UBR3: variants seen among roughly 807,000 people sequenced by gnomAD.
The protein encoded by UBR3 is ubiquitin protein ligase E3 component n-recognin 3.
In UBR3, 85 loss-of-function variants were observed where a neutral mutation model predicts 243.2. The observed-to-expected ratio is 0.35, with a 90% confidence interval of 0.29 to 0.42. UBR3 has a LOEUF of 0.42. UBR3 is among the 10% of genes least tolerant of loss of function. The pLI is 1.00. For synonymous variants in UBR3, 748 were observed against 799.8 expected (o/e 0.94, Z 1.09); for missense variants, 1,686 against 2,300.8 (o/e 0.73, Z 5.47).
chr2:170,055,327 A>G, intron 32 of UBR3, 133 bp from the exon 33 acceptor site: 1 of 1,052,970 alleles, frequency 9.5e-7, no homozygotes, highest in African/African-American at 1.6e-5. Context: ...CGTCTCAAAA[A>G]CAAACAAAAA....
intron 11 of UBR3, among the ~76,000 whole-genome samples, chr2:169,923,171 TCA>T (rs1489600291): frequency 6.6e-6 from 1 of 152,214 alleles, no homozygotes; most frequent in Admixed American, 6.5e-5. Flanking sequence ...CTAAGGTCAT[TCA>T]CATATTTTTT....
In UBR3 at chr2:169,845,545, C is replaced by CTTCTTCTTCTTCT. The variant is rs1553490728; in HGVS notation, c.545+17501_545+17502insCTTCTTTCTTCTT. 3.3e-3 allele frequency among the ~76,000 whole-genome samples: 456 copies of CTTCTTCTTCTTCT among 140,080 alleles called. 2 individuals are homozygous for CTTCTTCTTCTTCT. The highest frequency in any genetic ancestry group is 5.8e-3 in the Non-Finnish European group (377 of 65,112). The allele number at this position is 140,080 out of a possible 152,430, so 91.9% of individuals were successfully genotyped here. A position where few individuals can be genotyped will look rare whatever the true frequency, so the allele number is the denominator to read the frequency against. ...TCGTCGTCGTCGTCTTCTTCTTCTT[C>CTTCTTCTTCTTCT]TTCTTCTTTCTTCTTCTTCTTCTTC... On this transcript the variant is annotated intron_variant, in intron 1 of 38. Transcript: ENST00000272793.
intron 2 of UBR3, among the ~76,000 whole-genome samples, chr2:169,874,028 ATC>A (rs1161913555): frequency 2.0e-5 from 3 of 152,180 alleles, no homozygotes; most frequent in African/African-American, 4.8e-5. Context: ...CTTTATAATT[ATC>A]TGTTATCTGA....
intron 19 of UBR3, among the ~76,000 whole-genome samples, chr2:169,937,150 A>C (rs78645394): frequency 0.27 from 41,539 of 152,028 alleles, 5,920 homozygotes; most frequent in East Asian, 0.42. Context: ...CTACTTCTCC[A>C]CATCCTCTCC....
intron 35 of UBR3, among the ~76,000 whole-genome samples, chr2:170,063,221 A>G (rs529407400): frequency 1.3e-5 from 2 of 152,328 alleles, no homozygotes; most frequent in East Asian, 1.9e-4. Context: ...GAGAAAAGGA[A>G]GAATCATACT....
At chr2:169,989,470 C>A (rs2089179486) in intron 25 of UBR3, among the ~76,000 whole-genome samples, 1 of 152,094 alleles carries the variant, frequency 6.6e-6, no homozygotes, top group African/African-American at 2.4e-5. Flanking sequence ...TTAACATATT[C>A]CTCTGTTCCC....
At chr2:170,029,296 C>T in intron 30 of UBR3, 50 bp from the exon 31 acceptor site, 2 of 1,443,150 alleles carry the variant, frequency 1.4e-6, no homozygotes, top group Admixed American at 2.2e-5. Flanking sequence ...GAATTTTGTT[C>T]TGTAACAAAT....
At position 169,908,775 on chromosome 2, in the gene UBR3, G is replaced by C. The variant is rs919337841; in HGVS notation, c.1779+2611G>C. Among the ~76,000 whole-genome samples the C allele has an allele frequency of 2.0e-5, 3 of 151,860 alleles. No individual in the cohort carries two copies. In the South Asian group the frequency reaches 6.2e-4, roughly 32 times the overall value. ...AATTGGGGTTAGTGTTTGTCGTGGG[G>C]GAGATAAGAGGGAATAGCCTACCTT... On this transcript the variant is annotated intron_variant, in intron 10 of 38. Coordinates refer to ENST00000272793, the MANE Select transcript of UBR3 (RefSeq NM_172070.4).
At position 170,055,158 on chromosome 2, in the gene UBR3, G is replaced by A. The variant is rs116596764; in HGVS notation, c.4661-302G>A. On this transcript the variant is annotated intron_variant, in intron 32 of 38. Coordinates refer to ENST00000272793, the MANE Select transcript of UBR3 (RefSeq NM_172070.4). ...ACAAAAAATAAAAAGCTAATCAGGC[G>A]TAGTGGCACATGCCTGTAGTCCCAG... Among the ~76,000 whole-genome samples the A allele has an allele frequency of 7.9e-3, 1,202 of 152,202 alleles. 13 individuals are homozygous for A. The highest frequency in any genetic ancestry group is 0.026 in the African/African-American group (1,076 of 41,550).
intron 24 of UBR3, among the ~76,000 whole-genome samples, chr2:169,963,919 TCTA>T (rs1305379099): frequency 6.6e-6 from 1 of 152,180 alleles, no homozygotes; most frequent in Non-Finnish European, 1.5e-5. Context: ...TTGCTTTCTC[TCTA>T]CTAAATGAAG....
intron 24 of UBR3, chr2:169,964,595 C>G (rs980647717): frequency 2.6e-6 from 1 of 384,090 alleles, no homozygotes; most frequent in African/African-American, 2.1e-5. Flanking sequence ...CGTTTGATTG[C>G]TTTAGTTTTC....
At position 170,070,623 on chromosome 2, in the gene UBR3, C is replaced by T. The variant is rs186827786; in HGVS notation, c.5020-2805C>T. ...AGAAACCTATTAGAGCTAATAAGTTCAGCAAGGTTGTAGGATACAGATAGA... is the reference window on the plus strand; with the variant it reads ...AGAAACCTATTAGAGCTAATAAGTTTAGCAAGGTTGTAGGATACAGATAGA... On this transcript the variant is annotated intron_variant, in intron 35 of 38. Transcript: ENST00000272793. Among the ~76,000 whole-genome samples the T allele has an allele frequency of 4.6e-5, 7 of 152,270 alleles. No homozygotes were observed. In the East Asian group the frequency reaches 1.2e-3, roughly 25 times the overall value.
chr2:169,924,280 CT>C (rs1422906935), intron 13 of UBR3, 107 bp downstream of exon 13: 2 of 860,620 alleles, frequency 2.3e-6, no homozygotes, highest in South Asian at 2.2e-5. Context: ...TGTTTGAAAA[CT>C]TTTTTTAAAA....
At chr2:170,049,464 A>G (rs939526995) in intron 32 of UBR3, among the ~76,000 whole-genome samples, 1 of 152,194 alleles carries the variant, frequency 6.6e-6, no homozygotes, top group Non-Finnish European at 1.5e-5. Flanking sequence ...CTTGTTACAT[A>G]GTACTGCAGA....
At chr2:169,956,150 C>T (rs2087276992) in intron 23 of UBR3, among the ~76,000 whole-genome samples, 1 of 151,806 alleles carries the variant, frequency 6.6e-6, no homozygotes, top group African/African-American at 2.4e-5. Context: ...TTCTCAGTTT[C>T]CAGAGTAACT....
intron 1 of UBR3, among the ~76,000 whole-genome samples, chr2:169,859,626 A>G (rs938225656): frequency 6.6e-6 from 1 of 151,898 alleles, no homozygotes; most frequent in Admixed American, 6.6e-5. Flanking sequence ...GTGTCATTAA[A>G]TTCACTGATC....
intron 11 of UBR3, among the ~76,000 whole-genome samples, chr2:169,919,229 G>C (rs533575066): frequency 6.6e-6 from 1 of 152,280 alleles, no homozygotes; most frequent in Admixed American, 6.5e-5. Flanking sequence ...TTATCAGGAG[G>C]CTAAAACCAT....
At chr2:169,967,262 C>T (rs2087861564) in intron 24 of UBR3, among the ~76,000 whole-genome samples, 1 of 120,908 alleles carries the variant, frequency 8.3e-6, no homozygotes, top group Non-Finnish European at 1.8e-5. Context: ...GTATGCGCCC[C>T]CCGCCCCCCC....
chr2:170,000,446 T>G (rs1029437540), intron 26 of UBR3, among the ~76,000 whole-genome samples: 2 of 152,186 alleles, frequency 1.3e-5, no homozygotes, highest in Non-Finnish European at 2.9e-5. Context: ...CATGAATTAT[T>G]TAGGAGACAG....
Sources: gnomAD v4.1 joint callset for allele counts (sites outside exome capture counted in the v4.1 genomes callset) on GRCh38, gnomAD v4.1.1 for gene constraint, MANE v1.5 for transcripts, NCBI Gene and HGNC (gene_info 2026-07-23, HGNC 2026-07-21) for gene names.